Variants in CSNK1D observed in about 807,000 individuals in gnomAD.
The protein encoded by CSNK1D is casein kinase 1 delta.
CSNK1D carries 16 observed loss-of-function variants against 46.6 expected under a neutral mutation model. That is an observed-to-expected ratio of 0.34 (90% confidence interval 0.23 to 0.52). The LOEUF (loss-of-function observed/expected upper bound fraction) is 0.52, where lower values mean the gene tolerates loss of function less well. CSNK1D is among the 20% of genes least tolerant of loss of function. The pLI, the probability that CSNK1D is intolerant of heterozygous loss-of-function variation, is 0.95. For missense variants in CSNK1D, 398 were observed against 578.4 expected, an observed-to-expected ratio of 0.69 and a Z score of 3.20; for synonymous variants, 276 against 228.2, an observed-to-expected ratio of 1.21 and a Z score of -1.89.
At chr17:82,241,130 GGGGGGCAGAGGGCGCACAGAC>G (rs1195394723), downstream of CSNK1D, among the ~76,000 whole-genome samples, 1 of 152,148 alleles carries the variant, frequency 6.6e-6, no homozygotes, top group Non-Finnish European at 1.5e-5. Context: ...GGGTGGGGGT[GGGGGGCAGAGGGCGCACAGAC>G]TTCTTCACAT....
Position 82,251,712 on chromosome 17 carries a change from C to T in CSNK1D, c.737-185G>A, listed in dbSNP as rs964171167. On this transcript the variant is annotated intron_variant, in intron 5 of 8. Coordinates refer to ENST00000314028, the MANE Select transcript of CSNK1D (RefSeq NM_001893.6). The surrounding 1 kb of genome is among the most constrained non-coding windows in gnomAD (Gnocchi z 4.5). ...CATCGAAAAGTATTCAAGTCACGGC[C>T]GGGTGCGGCGGCTCACGCCTGTCAC... 58 of 695,618 alleles carry T rather than the reference C, an allele frequency of 8.3e-5. No homozygotes were observed. The highest frequency in any genetic ancestry group is 1.9e-4 in the African/African-American group (11 of 56,930). 43.1% of individuals were successfully genotyped at this position (695,618 alleles called of 1,614,324 possible).
Position 82,244,600 on chromosome 17 carries a change from A to AC in CSNK1D, c.*180_*181insG. 1.3e-6 allele frequency: 2 copies of AC among 1,518,470 alleles called. No homozygotes were observed. The highest frequency in any genetic ancestry group is 1.8e-6 in the Non-Finnish European group (2 of 1,134,830). The allele number at this position is 1,518,470 out of a possible 1,614,324, so 94.1% of individuals were successfully genotyped here. A position where few individuals can be genotyped will look rare whatever the true frequency, so the allele number is the denominator to read the frequency against. ...GCCGCAGTGCAGCCCCAGCGGTGGC[A>AC]GCTCTTGGAGTCTGTCCGTTTAGTA... On this transcript the variant is annotated 3_prime_UTR_variant, in exon 9 of 9. Coordinates refer to ENST00000314028, the MANE Select transcript of CSNK1D (RefSeq NM_001893.6).
intron 2 of CSNK1D, among the ~76,000 whole-genome samples, chr17:82,260,017 CTGACTGATGGTGTACTGACTGATG>C (rs1443101208): frequency 0.053 from 7,470 of 140,768 alleles, 829 homozygotes; most frequent in African/African-American, 0.2. Context: ...TGATGGTGTA[CTGACTGATGGTGTACTGACTGATG>C]TGACTGATGG....
At chr17:82,264,286 T>C (rs2051411885) in intron 2 of CSNK1D, among the ~76,000 whole-genome samples, 1 of 152,184 alleles carries the variant, frequency 6.6e-6, no homozygotes, top group South Asian at 2.1e-4. Context: ...GCACAGCCAC[T>C]CTTCAGACAA....
At chr17:82,261,765 C>T (rs145412576) in intron 2 of CSNK1D, among the ~76,000 whole-genome samples, 1 of 152,268 alleles carries the variant, frequency 6.6e-6, no homozygotes, top group Non-Finnish European at 1.5e-5. Context: ...GTCCTCGATA[C>T]CGTACATGTT....
chr17:82,261,387 G>C (rs759971861), intron 2 of CSNK1D, among the ~76,000 whole-genome samples: 40 of 152,268 alleles, frequency 2.6e-4, no homozygotes, highest in Middle Eastern at 3.4e-3. Context: ...CATGGTGCCC[G>C]AAGGTAGCTA....
intron 2 of CSNK1D, among the ~76,000 whole-genome samples, chr17:82,257,517 A>C (rs1250328018): frequency 6.6e-6 from 1 of 152,202 alleles, no homozygotes; most frequent in Non-Finnish European, 1.5e-5. Context: ...CACCTTAAGT[A>C]ACTAAGGGAA....
intron 1 of CSNK1D, 128 bp from the exon 2 acceptor site, chr17:82,265,924 A>AT: frequency 1.2e-6 from 1 of 811,506 alleles, no homozygotes; most frequent in Non-Finnish European, 2.2e-6. Flanking sequence ...TCTCCTTCCT[A>AT]GCATAGTAAG....
chr17:82,244,358 C>T lies in CSNK1D; in HGVS notation c.*423G>A, dbSNP rs2050796940. ...AAACAGACAAGAAACAATAAAAAGA[C>T]AGATTTTCTTTACACAGATTTAAGC... On this transcript the variant is annotated 3_prime_UTR_variant, in exon 9 of 9. Transcript: ENST00000314028. 9.1e-7 allele frequency: 1 copy of T among 1,097,552 alleles called. No homozygotes were observed. The highest frequency in any genetic ancestry group is 1.1e-6 in the Non-Finnish European group (1 of 896,330). The allele number at this position is 1,097,552 out of a possible 1,614,324, so 68.0% of individuals were successfully genotyped here.
chr17:82,272,784 C>G (rs1363294413), intron 1 of CSNK1D, among the ~76,000 whole-genome samples: 1 of 152,238 alleles, frequency 6.6e-6, no homozygotes, highest in Non-Finnish European at 1.5e-5. Flanking sequence ...CAGACAGCCC[C>G]GGACCGGGCT....
At position 82,249,238 on chromosome 17, in the gene CSNK1D, A is replaced by C; in HGVS notation, c.1057+193T>G. 1 of 754,384 alleles carries C rather than the reference A, an allele frequency of 1.3e-6. No individual in the cohort carries two copies. The highest frequency in any genetic ancestry group is 2.1e-6 in the Non-Finnish European group (1 of 474,000). 46.7% of individuals were successfully genotyped at this position (754,384 alleles called of 1,614,324 possible). On this transcript the variant is annotated intron_variant, in intron 7 of 8. Coordinates refer to ENST00000314028, the MANE Select transcript of CSNK1D (RefSeq NM_001893.6). This position sits in a 1 kb window ranked among gnomAD's most constrained non-coding sequence, Gnocchi z 6.7. ...GGGAGGAACGTGAGATGCGGGAGGAATCACGCACACCAGCAGGTGCCGGCA... is the reference window on the plus strand; with the variant it reads ...GGGAGGAACGTGAGATGCGGGAGGACTCACGCACACCAGCAGGTGCCGGCA...
chr17:82,243,975 G>C lies in CSNK1D; in HGVS notation c.*806C>G, dbSNP rs1316710305. 3.0e-6 allele frequency: 3 copies of C among 986,168 alleles called. No individual in the cohort carries two copies. The highest frequency in any genetic ancestry group is 1.7e-5 in the African/African-American group (1 of 57,370). 61.1% of individuals were successfully genotyped at this position (986,168 alleles called of 1,614,324 possible). On this transcript the variant is annotated 3_prime_UTR_variant, in exon 9 of 9. Transcript: ENST00000314028. ...CCACCTCCTGGGGAAGAAGCGCGCAGTGCTTTGCCTGGTAACACCCACTGC... is the reference window on the plus strand; with the variant it reads ...CCACCTCCTGGGGAAGAAGCGCGCACTGCTTTGCCTGGTAACACCCACTGC...
At position 82,248,251 on chromosome 17, in the gene CSNK1D, A is replaced by T; in HGVS notation, c.1197+624T>A. On this transcript the variant is annotated intron_variant, in intron 8 of 8. Transcript: ENST00000314028. This position sits in a 1 kb window ranked among gnomAD's most constrained non-coding sequence, Gnocchi z 4.1. The stretch of plus-strand genomic sequence containing the variant: ...TTCTAGTTCAAAGAGCACGTTAGCA[A>T]ACGCAAAAGACAACAAAAGCCAGAG... The T allele has an allele frequency of 1.0e-6, 1 of 986,306 alleles. No homozygotes were observed. The highest frequency in any genetic ancestry group is 1.2e-6 in the Non-Finnish European group (1 of 830,486). 61.1% of individuals were successfully genotyped at this position (986,306 alleles called of 1,614,324 possible).
downstream of CSNK1D, chr17:82,239,740 C>G: frequency 2.6e-6 from 1 of 387,064 alleles, no homozygotes; most frequent in Non-Finnish European, 4.6e-6. Context: ...TGGAACAAGC[C>G]ACTTTATTCA....
downstream of CSNK1D, among the ~76,000 whole-genome samples, chr17:82,242,318 G>C (rs1172627067): frequency 6.6e-6 from 1 of 152,194 alleles, no homozygotes; most frequent in Non-Finnish European, 1.5e-5. Flanking sequence ...TGAGCACCAC[G>C]GCCCTATGGC....
At chr17:82,260,396 A>G (rs1266733733) in intron 2 of CSNK1D, among the ~76,000 whole-genome samples, 1 of 148,872 alleles carries the variant, frequency 6.7e-6, no homozygotes, top group Non-Finnish European at 1.5e-5. Context: ...GTACTGACTG[A>G]TGGTGTACTG....
rs373853481 is a variant in CSNK1D, at chr17:82,245,792, C to G, written c.1198-961G>C. Reference sequence around the variant, plus strand: ...AAAGCTCTCTGTGGACAGCCTCCCCCCAAGACTGGGCAGCGGACTGCCGCC... The same window carrying G: ...AAAGCTCTCTGTGGACAGCCTCCCCGCAAGACTGGGCAGCGGACTGCCGCC... On this transcript the variant is annotated intron_variant, in intron 8 of 8. Coordinates refer to ENST00000314028, the MANE Select transcript of CSNK1D (RefSeq NM_001893.6). Among the ~76,000 whole-genome samples the G allele has an allele frequency of 2.6e-5, 4 of 152,352 alleles. No homozygotes were observed. The East Asian group carries it at 7.7e-4, about 29-fold the overall frequency.
chr17:82,262,152 A>G (rs2051356795), intron 2 of CSNK1D, among the ~76,000 whole-genome samples: 1 of 152,198 alleles, frequency 6.6e-6, no homozygotes, highest in Non-Finnish European at 1.5e-5. Context: ...TATTTCAGGT[A>G]TTGAATCTAT....
At chr17:82,270,081 G>T (rs562737753) in intron 1 of CSNK1D, among the ~76,000 whole-genome samples, 2 of 152,344 alleles carry the variant, frequency 1.3e-5, no homozygotes, top group African/African-American at 4.8e-5. Context: ...TTCCCAACCT[G>T]CCCTCCTGAA....
Sources: gnomAD v4.1 joint callset for allele counts (sites outside exome capture counted in the v4.1 genomes callset) on GRCh38, gnomAD v4.1.1 for gene constraint, Gnocchi (gnomAD v3.1) non-coding constraint, MANE v1.5 for transcripts, NCBI Gene and HGNC (gene_info 2026-07-23, HGNC 2026-07-21) for gene names.